KDM1B: variants seen among roughly 807,000 people sequenced by gnomAD.
KDM1B encodes the protein lysine demethylase 1B.
In KDM1B, 63 loss-of-function variants were observed where a neutral mutation model predicts 107.4. That is an observed-to-expected ratio of 0.59 (90% CI 0.48 to 0.72). The LOEUF (loss-of-function observed/expected upper bound fraction) is 0.72. Among genes scored for constraint, KDM1B ranks in the 30% least tolerant of loss-of-function variants. The pLI, the probability that KDM1B is intolerant of heterozygous loss-of-function variation, is 0.00. For synonymous variants in KDM1B, 363 were observed against 363.9 expected (o/e 1.00, Z 0.03); for missense variants, 749 against 1,020.8 (o/e 0.73, Z 3.63).
rs968069739 is a variant in KDM1B, at chr6:18,155,864, A to G, written c.-57-19A>G. 10 of 151,878 alleles carry G rather than the reference A, an allele frequency of 6.6e-5. No homozygotes were observed. Among genetic ancestry groups the G allele is most frequent in the African/African-American group, 2.2e-4 (9 of 41,318 alleles). 9.4% of individuals were successfully genotyped at this position (151,878 alleles called of 1,614,324 possible). A position where few individuals can be genotyped will look rare whatever the true frequency, so the allele number is the denominator to read the frequency against. Reference sequence around the variant, plus strand: ...TTGCCGGTCGGCTAACCCCCCTACAATGTTTCCTTTCTGTACAGCGGTGCC... The same window carrying G: ...TTGCCGGTCGGCTAACCCCCCTACAGTGTTTCCTTTCTGTACAGCGGTGCC... On this transcript the variant is annotated intron_variant, in intron 1 of 21. Transcript: ENST00000650836. This position sits in a 1 kb window ranked among gnomAD's most constrained non-coding sequence, Gnocchi z 6.2.
chr6:18,166,207 A>T (rs1785282574), intron 5 of KDM1B, 60 bp from the exon 6 acceptor site: 1 of 779,602 alleles, frequency 1.3e-6, no homozygotes, highest in Non-Finnish European at 2.2e-6. Context: ...GTTTTGAAAA[A>T]CCTGATTGCT....
chr6:18,208,293 T>C (rs1788530344), intron 17 of KDM1B, 87 bp downstream of exon 17: 18 of 1,002,986 alleles, frequency 1.8e-5, no homozygotes, highest in Non-Finnish European at 2.6e-5. Context: ...ATCAAGGAGT[T>C]TGCCTTTGGG....
chr6:18,219,144 T>C (rs111274328), intron 21 of KDM1B, among the ~76,000 whole-genome samples: 3,337 of 152,130 alleles, frequency 0.022, 112 homozygotes, highest in African/African-American at 0.076. Context: ...CCTCGTGATC[T>C]GCCTGCCTCA....
In KDM1B at chr6:18,166,308, T is replaced by A. The variant is rs1477470691; in HGVS notation, c.347T>A (p.Ile116Lys). ...GACAAATATACTACATGGAAAAAAA[T>A]ATGGACTAGCAATGGCAAAACCGAA... is the stretch of plus-strand genomic sequence containing the variant. The part of the protein sequence containing the change: ...GYDKYTTWKK[I>K]WTSNGKTEPS... The change falls in exon 6 of 22, where the codon ATA (isoleucine) becomes AAA (lysine). Residue 116 changes from isoleucine (I) to lysine (K), a missense_variant. Ile to Lys is a moderately radical substitution (Grantham distance 102). Transcript: ENST00000650836. 6.2e-7 allele frequency: 1 copy of A among 1,612,198 alleles called. No homozygotes were observed. The highest frequency in any genetic ancestry group is 1.1e-5 in the South Asian group (1 of 91,038).
At position 18,209,161 on chromosome 6, in the gene KDM1B, A is replaced by T. The variant is rs555163256; in HGVS notation, c.1866+955A>T. ...AACAGCTTTATAGTAGGTGAACAGT[A>T]CAAGGTACTGCTGAATCAAATACCT... On this transcript the variant is annotated intron_variant, in intron 17 of 21. Coordinates refer to ENST00000650836, the MANE Select transcript of KDM1B (RefSeq NM_001364614.2). This position sits in a 1 kb window ranked among gnomAD's most constrained non-coding sequence, Gnocchi z 4.3. Among the ~76,000 whole-genome samples the T allele has an allele frequency of 3.0e-4, 45 of 152,292 alleles. No individual in the cohort carries two copies. Among genetic ancestry groups the T allele is most frequent in the African/African-American group, 1.0e-3 (43 of 41,560 alleles).
chr6:18,177,012 C>T (rs1310709394), intron 7 of KDM1B, among the ~76,000 whole-genome samples: 1 of 152,160 alleles, frequency 6.6e-6, no homozygotes, highest in East Asian at 1.9e-4. Flanking sequence ...GAGGGTTCCT[C>T]TTTATCTTGT....
chr6:18,205,634 G>C lies in KDM1B; in HGVS notation c.1629G>C (p.Leu543=). ...TGCTTCAGTTCCATCTCAGTAACCT[G>C]GAGTACGCCTGTGGCAGCAACCTTC... ...GQVLQFHLSN[L]EYACGSNLHQ... is the part of the protein sequence containing the mutation. The change falls in exon 15 of 22, where the codon CTG becomes CTC. Residue 543 remains leucine (L), a synonymous_variant. Coordinates refer to ENST00000650836, the MANE Select transcript of KDM1B (RefSeq NM_001364614.2). This position sits in a 1 kb window ranked among gnomAD's most constrained non-coding sequence, Gnocchi z 5.7. 6.5e-7 allele frequency: 1 copy of C among 1,528,538 alleles called. No homozygotes were observed. The highest frequency in any genetic ancestry group is 8.8e-7 in the Non-Finnish European group (1 of 1,138,872). 94.7% of individuals were successfully genotyped at this position (1,528,538 alleles called of 1,614,324 possible).
intron 21 of KDM1B, among the ~76,000 whole-genome samples, chr6:18,219,489 T>C (rs1296422654): frequency 6.6e-6 from 1 of 152,206 alleles, no homozygotes; most frequent in Admixed American, 6.5e-5. Context: ...TAATTGACTT[T>C]GAAATTTTTG....
intron 14 of KDM1B, among the ~76,000 whole-genome samples, chr6:18,202,346 G>A (rs1018939635): frequency 2.0e-5 from 3 of 151,726 alleles, no homozygotes; most frequent in Non-Finnish European, 4.4e-5. Flanking sequence ...GTTCCAGTGA[G>A]CTATGATCCC....
intron 12 of KDM1B, among the ~76,000 whole-genome samples, chr6:18,199,375 C>T (rs1225389232): frequency 2.6e-5 from 4 of 152,258 alleles, no homozygotes; most frequent in East Asian, 1.9e-4. Flanking sequence ...CCTCCATTCC[C>T]GCCATGGGAG....
chr6:18,208,307 C>A, intron 17 of KDM1B, 101 bp downstream of exon 17: 1 of 796,048 alleles, frequency 1.3e-6, no homozygotes. Flanking sequence ...CTTTGGGAAT[C>A]TGCCTGGACC....
At chr6:18,161,478 C>G in intron 4 of KDM1B, 24 bp downstream of exon 4, 1 of 1,609,840 alleles carries the variant, frequency 6.2e-7, no homozygotes, top group East Asian at 2.2e-5. Context: ...TGTGTCTTGG[C>G]CTCCCATTTC....
rs1218739012 is a variant in KDM1B, at chr6:18,167,156, A to T, written c.417+778A>T. On this transcript the variant is annotated intron_variant, in intron 6 of 21. Transcript: ENST00000650836. Reference sequence around the variant, plus strand: ...CAGATCACAAGGTCTAGAAATCAAGACCATCCTGGCCAACATGGGGAAACC... The same window carrying T: ...CAGATCACAAGGTCTAGAAATCAAGTCCATCCTGGCCAACATGGGGAAACC... Among the ~76,000 whole-genome samples, 4 of 152,080 alleles carry T rather than the reference A, an allele frequency of 2.6e-5. No homozygotes were observed. In the East Asian group the frequency reaches 7.9e-4, roughly 30 times the overall value.
chr6:18,169,945 T>C (rs1029764461), intron 6 of KDM1B, among the ~76,000 whole-genome samples: 1 of 151,940 alleles, frequency 6.6e-6, no homozygotes, highest in African/African-American at 2.4e-5. Flanking sequence ...AGTCTTGCTC[T>C]GTTGCCCAGG....
chr6:18,182,761 C>A (rs1190762345), intron 7 of KDM1B, among the ~76,000 whole-genome samples: 2 of 152,076 alleles, frequency 1.3e-5, no homozygotes, highest in Non-Finnish European at 2.9e-5. Flanking sequence ...AAACTCCTGG[C>A]CTCAAGTGAT....
At chr6:18,198,637 C>CAA (rs762849198) in intron 12 of KDM1B, among the ~76,000 whole-genome samples, 9,116 of 68,482 alleles carry the variant, frequency 0.13, 997 homozygotes, top group Non-Finnish European at 0.17. Context: ...GACTCCATCT[C>CAA]AAAAAAAAAA....
At chr6:18,202,869 A>G (rs377746053) in intron 14 of KDM1B, among the ~76,000 whole-genome samples, 1 of 152,202 alleles carries the variant, frequency 6.6e-6, no homozygotes, top group South Asian at 2.1e-4. Context: ...GATATACTAC[A>G]AGAGAACATT....
In KDM1B at chr6:18,200,344, A is replaced by G; in HGVS notation, c.1222-95A>G. 8.4e-7 allele frequency: 1 copy of G among 1,189,008 alleles called. No individual in the cohort carries two copies. The highest frequency in any genetic ancestry group is 1.2e-6 in the Non-Finnish European group (1 of 851,662). 73.7% of individuals were successfully genotyped at this position (1,189,008 alleles called of 1,614,324 possible). ...AATATTTGGAATTAACCAAATATAG[A>G]GGCTATTTAACAGTGTCCTTCTACA... On this transcript the variant is annotated intron_variant, in intron 12 of 21. Transcript: ENST00000650836. The surrounding 1 kb of genome is among the most constrained non-coding windows in gnomAD (Gnocchi z 4.3).
At position 18,200,044 on chromosome 6, in the gene KDM1B, A is replaced by T. The variant is rs1052959667; in HGVS notation, c.1222-395A>T. Among the ~76,000 whole-genome samples, 1 of 152,118 alleles carries T rather than the reference A, an allele frequency of 6.6e-6. No homozygotes were observed. Among genetic ancestry groups the T allele is most frequent in the African/African-American group, 2.4e-5 (1 of 41,438 alleles). ...CAGGTGCATGCCACCACACCCGACT[A>T]TGTATTTCTGGTAGAGACAGGGTTT... is the stretch of plus-strand genomic sequence containing the variant. On this transcript the variant is annotated intron_variant, in intron 12 of 21. Coordinates refer to ENST00000650836, the MANE Select transcript of KDM1B (RefSeq NM_001364614.2). This position sits in a 1 kb window ranked among gnomAD's most constrained non-coding sequence, Gnocchi z 4.3.
Sources: allele counts gnomAD v4.1 joint callset (sites outside exome capture counted in the v4.1 genomes callset), GRCh38; gene constraint gnomAD v4.1.1; non-coding constraint Gnocchi (gnomAD v3.1); transcripts MANE v1.5; gene names NCBI Gene and HGNC (gene_info 2026-07-23, HGNC 2026-07-21).